WDR4: variants seen among roughly 807,000 people sequenced by gnomAD.
WDR4 encodes tRNA (guanine-N(7)-)-methyltransferase non-catalytic subunit WDR4.
WDR4 carries 47 observed loss-of-function variants against 48.6 expected under a neutral mutation model. The observed-to-expected ratio is 0.97, with a 90% confidence interval of 0.77 to 1.23. The LOEUF (loss-of-function observed/expected upper bound fraction) is 1.23. Ranked by LOEUF, WDR4 falls within the 50% of genes most tolerant of loss-of-function variation. The pLI is 0.00. For synonymous variants in WDR4, 268 were observed against 230.0 expected (o/e 1.17, Z -1.49); for missense variants, 606 against 551.6 (o/e 1.10, Z -0.99).
the WDR4 span, among the ~76,000 whole-genome samples, chr21:42,885,513 G>C: frequency 9.2e-5 from 14 of 152,188 alleles, no homozygotes; most frequent in Admixed American, 8.5e-4. Flanking sequence ...TGGAGGCTGA[G>C]GCAGGAGAAC....
intron 3 of WDR4, among the ~76,000 whole-genome samples, chr21:42,869,582 T>C (rs1327652850): frequency 6.6e-6 from 1 of 152,056 alleles, no homozygotes; most frequent in Non-Finnish European, 1.5e-5. Flanking sequence ...CTTTGGGAGA[T>C]GGGCTTATTT....
Position 42,854,546 on chromosome 21 carries a change from T to TGCC in WDR4, c.791+13_791+15dup. 2 of 1,611,008 alleles carry TGCC rather than the reference T, an allele frequency of 1.2e-6. No homozygotes were observed. Among genetic ancestry groups the TGCC allele is most frequent in the Non-Finnish European group, 1.7e-6 (2 of 1,178,926 alleles). On this transcript the variant is annotated intron_variant, in intron 8 of 10. Transcript: ENST00000398208. ...TCTGCAGAACCGGAGGCCATAGAGG[T>TGCC]GCCGCCGCAGCTTACCCGTCGCACA...
Position 42,850,061 on chromosome 21 carries a change from C to A in WDR4, c.1227G>T (p.Thr409=), listed in dbSNP as rs1177518860. 18 of 1,613,690 alleles carry A rather than the reference C, an allele frequency of 1.1e-5. No individual in the cohort carries two copies. Among genetic ancestry groups the A allele is most frequent in the Non-Finnish European group, 1.5e-5 (18 of 1,179,922 alleles). ...HAKKMRPGEA[T]LSC is the part of the protein sequence containing the mutation. The stretch of plus-strand genomic sequence containing the variant: ...CTGACCGCCACGATCAGCAACTTAG[C>A]GTCGCCTCCCCCGGTCTCATCTTCT... The change falls in exon 11 of 11, where the codon ACG becomes ACT. Residue 409 remains threonine (T), a synonymous_variant. Coordinates refer to ENST00000398208, the MANE Select transcript of WDR4 (RefSeq NM_018669.6).
At chr21:42,876,427 T>C (rs2058493973) in intron 2 of WDR4, among the ~76,000 whole-genome samples, 1 of 152,076 alleles carries the variant, frequency 6.6e-6, no homozygotes, top group South Asian at 2.1e-4. Context: ...TTGGCCAGGA[T>C]GGTCTGGAAA....
At chr21:42,850,280 AG>A in intron 10 of WDR4, 38 bp from the exon 11 acceptor site, 2 of 1,554,088 alleles carry the variant, frequency 1.3e-6, no homozygotes, top group East Asian at 2.3e-5. Context: ...CAGGTGGGGC[AG>A]GAACATGGGA....
At position 42,849,803 on chromosome 21, in the gene WDR4, T is replaced by C. The variant is rs753550340; in HGVS notation, c.*246A>G. 26 of 456,616 alleles carry C rather than the reference T, an allele frequency of 5.7e-5. No individual in the cohort carries two copies. Among genetic ancestry groups the C allele is most frequent in the Non-Finnish European group, 9.6e-5 (25 of 260,678 alleles). 28.3% of individuals were successfully genotyped at this position (456,616 alleles called of 1,614,324 possible). On this transcript the variant is annotated 3_prime_UTR_variant, in exon 11 of 11. Coordinates refer to ENST00000398208, the MANE Select transcript of WDR4 (RefSeq NM_018669.6). ...CGCAGCCTCCGACATGAAAAGAAAG[T>C]GCTTCAAGAGCTTCCACTCCACTGG...
intron 6 of WDR4, 61 bp downstream of exon 6, chr21:42,859,597 GCCCA>G: frequency 9.9e-6 from 7 of 708,186 alleles, no homozygotes; most frequent in Non-Finnish European, 1.5e-5. Flanking sequence ...TCCAGGAGGC[GCCCA>G]CCCCACCCTC....
Position 42,862,510 on chromosome 21 carries a change from C to G in WDR4, c.454-116G>C. 1.1e-6 allele frequency: 1 copy of G among 893,566 alleles called. No individual in the cohort carries two copies. The highest frequency in any genetic ancestry group is 1.7e-6 in the Non-Finnish European group (1 of 578,384). The allele number at this position is 893,566 out of a possible 1,614,324, so 55.4% of individuals were successfully genotyped here. A position where few individuals can be genotyped will look rare whatever the true frequency, so the allele number is the denominator to read the frequency against. On this transcript the variant is annotated intron_variant, in intron 4 of 10. Transcript: ENST00000398208. This position sits in a 1 kb window ranked among gnomAD's most constrained non-coding sequence, Gnocchi z 4.3. Reference sequence around the variant, plus strand: ...CTGGCCGCCAAGAGGATGAGGCCTTCGAGGACAGACCAGCGTGGCTCCTCC... The same window carrying G: ...CTGGCCGCCAAGAGGATGAGGCCTTGGAGGACAGACCAGCGTGGCTCCTCC...
chr21:42,849,934 A>C lies in WDR4; in HGVS notation c.*115T>G. 1.5e-6 allele frequency: 2 copies of C among 1,304,574 alleles called. No homozygotes were observed. The highest frequency in any genetic ancestry group is 2.7e-5 in the South Asian group (2 of 75,140). The allele number at this position is 1,304,574 out of a possible 1,614,324, so 80.8% of individuals were successfully genotyped here. A position where few individuals can be genotyped will look rare whatever the true frequency, so the allele number is the denominator to read the frequency against. ...GCCCAGGGGACAGCCCCATCCTCTGAGCTGGTCACAACTGATGTCACCTTT... is the reference window on the plus strand; with the variant it reads ...GCCCAGGGGACAGCCCCATCCTCTGCGCTGGTCACAACTGATGTCACCTTT... On this transcript the variant is annotated 3_prime_UTR_variant, in exon 11 of 11. Coordinates refer to ENST00000398208, the MANE Select transcript of WDR4 (RefSeq NM_018669.6).
chr21:42,879,500 C>T lies in WDR4; in HGVS notation c.-5G>A, dbSNP rs375549440. On this transcript the variant is annotated 5_prime_UTR_variant, in exon 1 of 11. Coordinates refer to ENST00000398208, the MANE Select transcript of WDR4 (RefSeq NM_018669.6). ...CAGTCCCACAGAGCCCGCCATGTAC[C>T]CGCCCGCCTCACCGCCATACACATG... 19 of 1,613,088 alleles carry T rather than the reference C, an allele frequency of 1.2e-5. No individual in the cohort carries two copies. Among genetic ancestry groups the T allele is most frequent in the Non-Finnish European group, 1.5e-5 (18 of 1,179,804 alleles).
At chr21:42,868,051 C>G (rs2058288271) in intron 3 of WDR4, among the ~76,000 whole-genome samples, 2 of 152,168 alleles carry the variant, frequency 1.3e-5, no homozygotes, top group South Asian at 4.1e-4. Flanking sequence ...ATGGAGCTCT[C>G]AACCTCAAAT....
chr21:42,882,334 G>T, upstream of WDR4, among the ~76,000 whole-genome samples: 1 of 149,984 alleles, frequency 6.7e-6, no homozygotes, highest in East Asian at 2.0e-4. Context: ...AGGCCAAGGC[G>T]AGCAGATCAC....
At chr21:42,875,114 G>T (rs1239058258) in intron 2 of WDR4, among the ~76,000 whole-genome samples, 1 of 152,166 alleles carries the variant, frequency 6.6e-6, no homozygotes, top group African/African-American at 2.4e-5. Context: ...GAACCTACGT[G>T]AAATATCGGG....
At chr21:42,873,415 G>A in intron 3 of WDR4, 136 bp downstream of exon 3, 2 of 1,247,566 alleles carry the variant, frequency 1.6e-6, no homozygotes, top group South Asian at 2.8e-5. Context: ...ACTGAAAGTG[G>A]TGTCTGGCAC....
intron 4 of WDR4, among the ~76,000 whole-genome samples, chr21:42,863,098 A>G (rs7276705): frequency 0.54 from 82,559 of 151,890 alleles, 23,360 homozygotes; most frequent in African/African-American, 0.7. Flanking sequence ...CCACCTACTG[A>G]CCACCTCCTG....
chr21:42,880,033 G>A (rs2058594495), upstream of WDR4, among the ~76,000 whole-genome samples: 1 of 151,848 alleles, frequency 6.6e-6, no homozygotes, highest in East Asian at 1.9e-4. Context: ...GGGAGGCTGA[G>A]ACAGAAGAAT....
intron 1 of WDR4, among the ~76,000 whole-genome samples, chr21:42,878,823 C>T (rs761109470): frequency 5.9e-5 from 9 of 152,204 alleles, no homozygotes; most frequent in Admixed American, 1.3e-4. Context: ...GCGAGCTCCA[C>T]GTGCACCCTT....
At chr21:42,885,831 G>A in the WDR4 span, among the ~76,000 whole-genome samples, 2 of 152,100 alleles carry the variant, frequency 1.3e-5, no homozygotes, top group Non-Finnish European at 2.9e-5. Context: ...GAGTGGCTGG[G>A]ACTACAGGTG....
At chr21:42,850,853 T>C (rs1053679748) in intron 10 of WDR4, among the ~76,000 whole-genome samples, 2 of 152,082 alleles carry the variant, frequency 1.3e-5, no homozygotes, top group African/African-American at 2.4e-5. Flanking sequence ...GTGCCAAGGA[T>C]TGGGGGCAAT....
Sources: allele counts gnomAD v4.1 joint callset (sites outside exome capture counted in the v4.1 genomes callset), GRCh38; gene constraint gnomAD v4.1.1; non-coding constraint Gnocchi (gnomAD v3.1); transcripts MANE v1.5; gene names NCBI Gene and HGNC (gene_info 2026-07-23, HGNC 2026-07-21).